The following TMEM117 variants were observed in gnomAD, a reference collection of about 807,000 sequenced individuals.
TMEM117 encodes transmembrane protein 117.
In TMEM117, 27 loss-of-function variants were observed where a neutral mutation model predicts 52.4. The ratio of observed to expected loss-of-function variants is 0.51; its 90% CI spans 0.38 to 0.71. TMEM117 has a LOEUF of 0.71. TMEM117 is among the 30% of genes least tolerant of loss of function. TMEM117 has a pLI of 0.00. For synonymous variants in TMEM117, 215 were observed against 206.3 expected, an observed-to-expected ratio of 1.04 and a Z score of -0.36; for missense variants, 556 against 630.5, an observed-to-expected ratio of 0.88 and a Z score of 1.26.
intron 6 of TMEM117, among the ~76,000 whole-genome samples, chr12:44,324,732 G>A (rs1951174249): frequency 2.0e-5 from 3 of 151,976 alleles, no homozygotes; most frequent in Admixed American, 2.0e-4. Context: ...TGCTTTTTCA[G>A]GTCACAATAT....
At chr12:44,073,052 T>G (rs1947326432) in intron 3 of TMEM117, among the ~76,000 whole-genome samples, 3 of 151,638 alleles carry the variant, frequency 2.0e-5, no homozygotes, top group South Asian at 4.2e-4. Flanking sequence ...GTCGTACTAC[T>G]GCACTCCAGC....
rs765876926 is a variant in TMEM117, at chr12:44,388,461, A to T, written c.1334A>T (p.Asp445Val). Reference protein sequence around the residue: ...KRKSPSEHSKDMGITRENTQA... With the variant: ...KRKSPSEHSKVMGITRENTQA... ...AAATCTCCATCAGAACATAGCAAAGACATGGGAATCACTCGAGAAAACACC... is the reference window on the plus strand; with the variant it reads ...AAATCTCCATCAGAACATAGCAAAGTCATGGGAATCACTCGAGAAAACACC... The change falls in exon 8 of 8, where the codon GAC (aspartate) becomes GTC (valine). Residue 445 changes from aspartate (D) to valine (V), a missense_variant. Coordinates refer to ENST00000266534, the MANE Select transcript of TMEM117 (RefSeq NM_032256.3). 2.7e-5 allele frequency: 44 copies of T among 1,613,482 alleles called. No homozygotes were observed. Among genetic ancestry groups the T allele is most frequent in the Non-Finnish European group, 3.7e-5 (44 of 1,179,664 alleles).
At chr12:43,837,657 T>C (rs1943055105) in intron 1 of TMEM117, among the ~76,000 whole-genome samples, 1 of 152,332 alleles carries the variant, frequency 6.6e-6, no homozygotes, top group South Asian at 2.1e-4. Flanking sequence ...CAATTCCTTA[T>C]TGCAAACAAA....
intron 1 of TMEM117, among the ~76,000 whole-genome samples, chr12:43,841,162 G>C (rs1228043104): frequency 6.6e-6 from 1 of 152,192 alleles, no homozygotes; most frequent in Non-Finnish European, 1.5e-5. Flanking sequence ...ATTCCAGCCA[G>C]CTTAAATGAT....
chr12:44,321,389 G>C (rs985560436), intron 6 of TMEM117, among the ~76,000 whole-genome samples: 1 of 152,178 alleles, frequency 6.6e-6, no homozygotes, highest in Non-Finnish European at 1.5e-5. Context: ...GCAAAGAGTA[G>C]CAAAATCAGG....
the TMEM117 span, chr12:43,798,574 A>G: frequency 2.2e-5 from 33 of 1,526,708 alleles, no homozygotes; most frequent in Non-Finnish European, 2.7e-5. Context: ...CCCCAATATG[A>G]TCCTCTGGGC....
intron 3 of TMEM117, among the ~76,000 whole-genome samples, chr12:43,955,341 G>A (rs887751997): frequency 3.3e-5 from 5 of 152,244 alleles, no homozygotes; most frequent in East Asian, 1.9e-4. Context: ...TAAGAAGAGC[G>A]GAAGTCAATT....
intron 3 of TMEM117, among the ~76,000 whole-genome samples, chr12:44,066,000 T>C (rs1947216316): frequency 6.6e-6 from 1 of 152,154 alleles, no homozygotes; most frequent in Non-Finnish European, 1.5e-5. Context: ...TGAACCAGAG[T>C]AGTCTCAGAG....
chr12:44,302,023 A>G (rs186542041), intron 6 of TMEM117, among the ~76,000 whole-genome samples: 1 of 152,292 alleles, frequency 6.6e-6, no homozygotes, highest in East Asian at 1.9e-4. Context: ...CTCCCCTAAC[A>G]CTAAGTCAGC....
At chr12:44,280,117 T>A (rs192141147) in intron 5 of TMEM117, among the ~76,000 whole-genome samples, 138 of 152,246 alleles carry the variant, frequency 9.1e-4, no homozygotes, top group African/African-American at 3.1e-3. Flanking sequence ...CCTGAAAAAA[T>A]TCATTCATCG....
chr12:43,973,795 T>G (rs1945629481), intron 3 of TMEM117, among the ~76,000 whole-genome samples: 1 of 152,194 alleles, frequency 6.6e-6, no homozygotes, highest in African/African-American at 2.4e-5. Context: ...TATTTAGAAG[T>G]CTACTGTCAA....
chr12:44,317,002 C>CTTTTTTTTTTTTTTTTTTT (rs1202276425), intron 6 of TMEM117, among the ~76,000 whole-genome samples: 1 of 121,498 alleles, frequency 8.2e-6, no homozygotes. Flanking sequence ...TTTTCTTTTT[C>CTTTTTTTTTTTTTTTTTTT]TTTTTTTTTT....
At chr12:44,135,617 G>A (rs541600679) in intron 3 of TMEM117, among the ~76,000 whole-genome samples, 1 of 152,132 alleles carries the variant, frequency 6.6e-6, no homozygotes, top group East Asian at 1.9e-4. Flanking sequence ...TTCATATCCA[G>A]AGGAAGATGG....
intron 3 of TMEM117, among the ~76,000 whole-genome samples, chr12:44,045,525 C>T (rs1349801933): frequency 2.6e-5 from 4 of 152,138 alleles, no homozygotes; most frequent in African/African-American, 9.7e-5. Context: ...TGCCTCTGAC[C>T]AAGGTACTCA....
the TMEM117 span, among the ~76,000 whole-genome samples, chr12:43,813,231 G>GTTTTTTTTTTTTTTTTTTTTTTTTTT: frequency 3.0e-4 from 19 of 62,666 alleles, 4 homozygotes; most frequent in Non-Finnish European, 5.1e-4. Flanking sequence ...GTTTTCTCTT[G>GTTTTTTTTTTTTTTTTTTTTTTTTTT]TTTTTTTTTT....
rs1396330698 is a variant in TMEM117 at position 43,851,159 on chromosome 12, C to T, written c.277+6231C>T. 1.1e-4 allele frequency among the ~76,000 whole-genome samples: 17 copies of T among 152,168 alleles called. 1 individual carries two copies. The highest frequency in any genetic ancestry group is 1.5e-5 in the Non-Finnish European group (1 of 68,012). On this transcript the variant is annotated intron_variant, in intron 2 of 7. Coordinates refer to ENST00000266534, the MANE Select transcript of TMEM117 (RefSeq NM_032256.3). ...CTCTTCTTAGTAGATTCCAGAAGGA[C>T]AATACAGTATTGCCAATTTAAGGGA...
In TMEM117 at chr12:44,003,724, T is replaced by C. The variant is rs974700855; in HGVS notation, c.410+59382T>C. The stretch of plus-strand genomic sequence containing the variant: ...CAATGGAGTTTATGTCTCTTAGCCA[T>C]GTGCTGAGGAGGTGGTGGGCAGATA... On this transcript the variant is annotated intron_variant, in intron 3 of 7. Transcript: ENST00000266534. Among the ~76,000 whole-genome samples, 12 of 152,360 alleles carry C rather than the reference T, an allele frequency of 7.9e-5. No homozygotes were observed. The East Asian group carries it at 2.1e-3, about 27-fold the overall frequency.
At chr12:43,868,654 A>G (rs1157598101) in intron 2 of TMEM117, among the ~76,000 whole-genome samples, 1 of 152,014 alleles carries the variant, frequency 6.6e-6, no homozygotes, top group Non-Finnish European at 1.5e-5. Context: ...AAATATTTCT[A>G]ACTGAATGAT....
At chr12:44,378,874 T>C (rs1198628837) in intron 7 of TMEM117, among the ~76,000 whole-genome samples, 1 of 152,210 alleles carries the variant, frequency 6.6e-6, no homozygotes, top group East Asian at 1.9e-4. Context: ...TCCTTTCTGA[T>C]TGAGAGATGA....
Sources: allele counts gnomAD v4.1 joint callset (sites outside exome capture counted in the v4.1 genomes callset), GRCh38; gene constraint gnomAD v4.1.1; transcripts MANE v1.5; gene names NCBI Gene and HGNC (gene_info 2026-07-23, HGNC 2026-07-21).